SLC22A3: variants seen among roughly 807,000 people sequenced by gnomAD.
The protein encoded by SLC22A3 is EMT organic cation transporter 3.
In SLC22A3, 51 loss-of-function variants were observed where a neutral mutation model predicts 59.1. The observed-to-expected ratio is 0.86, with a 90% CI of 0.69 to 1.09. SLC22A3 has a LOEUF of 1.09. Among genes scored for constraint, SLC22A3 ranks in the 50% least tolerant of loss-of-function variants. SLC22A3 has a pLI of 0.00. For missense variants in SLC22A3, 711 were observed against 726.3 expected (o/e 0.98, Z 0.24); for synonymous variants, 325 against 292.0 (o/e 1.11, Z -1.15).
intron 10 of SLC22A3, among the ~76,000 whole-genome samples, chr6:160,449,576 G>T (rs540062178): frequency 6.6e-6 from 1 of 152,216 alleles, no homozygotes; most frequent in Admixed American, 6.5e-5. Flanking sequence ...AATCACACTG[G>T]ATTATTTTAT....
intron 1 of SLC22A3, among the ~76,000 whole-genome samples, chr6:160,371,531 C>A (rs1044518273): frequency 2.0e-5 from 3 of 152,162 alleles, no homozygotes; most frequent in Non-Finnish European, 4.4e-5. Context: ...TTTATGGCTG[C>A]ATAGTATTCC....
At chr6:160,416,401 A>G (rs187720272) in intron 5 of SLC22A3, among the ~76,000 whole-genome samples, 1 of 152,320 alleles carries the variant, frequency 6.6e-6, no homozygotes, top group Non-Finnish European at 1.5e-5. Flanking sequence ...GGATTAGCTT[A>G]GACACCTAGT....
At chr6:160,412,347 GA>G (rs775853834) in intron 5 of SLC22A3, among the ~76,000 whole-genome samples, 1 of 152,210 alleles carries the variant, frequency 6.6e-6, no homozygotes, top group East Asian at 1.9e-4. Context: ...TGAGCAAAAA[GA>G]GTGAAACTCT....
In SLC22A3 at chr6:160,451,017, C is replaced by T; in HGVS notation, c.1632C>T (p.Gly544=). The T allele has an allele frequency of 1.3e-6, 2 of 1,595,288 alleles. No individual in the cohort carries two copies. Among genetic ancestry groups the T allele is most frequent in the East Asian group, 4.5e-5 (2 of 44,138 alleles). ...TCAGTCCACATTCCTGTAAATGTGGCAGGAATAAGAAAACCCCAGTTTCCC... is the reference window on the plus strand; with the variant it reads ...TCAGTCCACATTCCTGTAAATGTGGTAGGAATAAGAAAACCCCAGTTTCCC... The part of the protein sequence containing the change: ...KLGSPHSCKC[G]RNKKTPVSRS... The change falls in exon 11 of 11, where the codon GGC becomes GGT. Residue 544 remains glycine (G), a synonymous_variant. Coordinates refer to ENST00000275300, the MANE Select transcript of SLC22A3 (RefSeq NM_021977.4).
At position 160,373,101 on chromosome 6, in the gene SLC22A3, T is replaced by G. The variant is rs189793433; in HGVS notation, c.429+24253T>G. On this transcript the variant is annotated intron_variant, in intron 1 of 10. Transcript: ENST00000275300. ...AAGCAGTGTCCTGGCTTTTGGAATTTTTAGCATTTTTGCCCTGGTTTTTCC... is the reference window on the plus strand; with the variant it reads ...AAGCAGTGTCCTGGCTTTTGGAATTGTTAGCATTTTTGCCCTGGTTTTTCC... Among the ~76,000 whole-genome samples the G allele has an allele frequency of 5.5e-4, 84 of 152,360 alleles. No individual in the cohort carries two copies. The East Asian group carries it at 0.012, about 22-fold the overall frequency.
intron 5 of SLC22A3, among the ~76,000 whole-genome samples, chr6:160,427,685 T>C (rs546465768): frequency 6.6e-4 from 101 of 152,330 alleles, no homozygotes; most frequent in Middle Eastern, 3.4e-3. Flanking sequence ...CAGGAGTGTG[T>C]AGTTTTGATT....
chr6:160,451,393 A>G lies in SLC22A3; in HGVS notation c.*337A>G, dbSNP rs1167138782. On this transcript the variant is annotated 3_prime_UTR_variant, in exon 11 of 11. Transcript: ENST00000275300. ...AAGAGAAGCCCCCAACCTGATTCTC[A>G]TGACAGCTCCATCAAGAATGTGGGA... 1 of 261,950 alleles carries G rather than the reference A, an allele frequency of 3.8e-6. No homozygotes were observed. The highest frequency in any genetic ancestry group is 7.4e-6 in the Non-Finnish European group (1 of 135,462). The allele number at this position is 261,950 out of a possible 1,614,324, so 16.2% of individuals were successfully genotyped here.
chr6:160,397,286 C>T (rs997844207), intron 1 of SLC22A3, among the ~76,000 whole-genome samples: 5 of 152,036 alleles, frequency 3.3e-5, no homozygotes, highest in East Asian at 3.9e-4. Context: ...AATCTAATGC[C>T]GCTGCTGAGC....
At chr6:160,389,164 A>G (rs1786145070) in intron 1 of SLC22A3, among the ~76,000 whole-genome samples, 1 of 152,192 alleles carries the variant, frequency 6.6e-6, no homozygotes, top group Non-Finnish European at 1.5e-5. Flanking sequence ...TATCTCGTAT[A>G]GAAGGCTGAT....
intron 10 of SLC22A3, 100 bp from the exon 11 acceptor site, chr6:160,450,896 T>C (rs1788933785): frequency 6.3e-6 from 7 of 1,114,966 alleles, no homozygotes; most frequent in Non-Finnish European, 5.3e-6. Flanking sequence ...TTCATGAATG[T>C]ATTTGATCAA....
At chr6:160,424,766 T>G (rs2114890781) in intron 5 of SLC22A3, among the ~76,000 whole-genome samples, 1 of 152,314 alleles carries the variant, frequency 6.6e-6, no homozygotes, top group Admixed American at 6.5e-5. Context: ...TTTTCTGGCT[T>G]ACATTTCAGA....
intron 1 of SLC22A3, among the ~76,000 whole-genome samples, chr6:160,368,327 GAA>G (rs1785278541): frequency 6.6e-6 from 1 of 152,108 alleles, no homozygotes; most frequent in Non-Finnish European, 1.5e-5. Context: ...GCCCCCTGTT[GAA>G]AGCTTATTTT....
intron 1 of SLC22A3, among the ~76,000 whole-genome samples, chr6:160,355,048 C>G (rs1364381136): frequency 1.3e-5 from 2 of 152,212 alleles, no homozygotes; most frequent in Admixed American, 1.3e-4. Flanking sequence ...GCGAGGCAGG[C>G]AGGAGCCCCA....
At chr6:160,446,911 C>T (rs931758945) in intron 9 of SLC22A3, among the ~76,000 whole-genome samples, 45 of 152,316 alleles carry the variant, frequency 3.0e-4, no homozygotes, top group African/African-American at 9.9e-4. Context: ...TTCCCAGTGG[C>T]CCAGGCAGGG....
intron 1 of SLC22A3, among the ~76,000 whole-genome samples, chr6:160,383,862 G>C (rs979669192): frequency 2.0e-5 from 3 of 152,114 alleles, no homozygotes; most frequent in African/African-American, 7.2e-5. Context: ...GTTGTATTAG[G>C]TATTGTAAAT....
intron 1 of SLC22A3, among the ~76,000 whole-genome samples, chr6:160,353,271 T>A (rs1456713646): frequency 2.0e-5 from 3 of 152,236 alleles, no homozygotes; most frequent in Admixed American, 2.0e-4. Flanking sequence ...AGGACCTTCA[T>A]TATGAGAATG....
rs1787422456 is a variant in SLC22A3 at position 160,415,056 on chromosome 6, G to A, written c.975+4210G>A. The stretch of plus-strand genomic sequence containing the variant: ...CACATGGAATCACCTATTTCTCCAA[G>A]GGAGCTTTGGTTTTTGAAACATATG... On this transcript the variant is annotated intron_variant, in intron 5 of 10. Transcript: ENST00000275300. This position sits in a 1 kb window ranked among gnomAD's most constrained non-coding sequence, Gnocchi z 4.1. Among the ~76,000 whole-genome samples the A allele has an allele frequency of 1.3e-5, 2 of 152,128 alleles. No homozygotes were observed. The highest frequency in any genetic ancestry group is 2.4e-5 in the African/African-American group (1 of 41,406).
chr6:160,362,920 TCCAGGGACCCACGGATACTTCGTTCCTG>T lies in SLC22A3; in HGVS notation c.429+14079_429+14106del, dbSNP rs374811093. On this transcript the variant is annotated intron_variant, in intron 1 of 10. Transcript: ENST00000275300. Reference sequence around the variant, plus strand: ...CAGGAGGGTGCACGAGAACGTCCCATCCAGGGACCCACGGATACTTCGTTCCTGCCAGGGTCTCCTTTGGGCCGACAGA... The same window carrying T: ...CAGGAGGGTGCACGAGAACGTCCCATCCAGGGTCTCCTTTGGGCCGACAGA... Among the ~76,000 whole-genome samples the T allele has an allele frequency of 9.0e-3, 1,378 of 152,296 alleles. 17 individuals are homozygous for T. The highest frequency in any genetic ancestry group is 0.03 in the African/African-American group (1,264 of 41,564).
In SLC22A3 at chr6:160,348,665, G is replaced by GC. The variant is rs775680960; in HGVS notation, c.252dup (p.Glu85ArgfsTer22). The GC allele has an allele frequency of 1.3e-6, 2 of 1,507,276 alleles. No homozygotes were observed. The highest frequency in any genetic ancestry group is 1.8e-6 in the Non-Finnish European group (2 of 1,135,976). The allele number at this position is 1,507,276 out of a possible 1,614,324, so 93.4% of individuals were successfully genotyped here. A position where few individuals can be genotyped will look rare whatever the true frequency, so the allele number is the denominator to read the frequency against. On this transcript the variant is annotated frameshift_variant, in exon 1 of 11. Transcript: ENST00000275300. LOFTEE classifies it high-confidence loss of function. ...CGGCGCCCGCCTCCCGCGGCCCAGAGCCCCCCGAGCGCCGCGGCCGCTGCC... is the reference window on the plus strand; with the variant it reads ...CGGCGCCCGCCTCCCGCGGCCCAGAGCCCCCCCGAGCGCCGCGGCCGCTGCC...
Sources: gnomAD v4.1 joint callset for allele counts (sites outside exome capture counted in the v4.1 genomes callset) on GRCh38, gnomAD v4.1.1 for gene constraint, Gnocchi (gnomAD v3.1) non-coding constraint, MANE v1.5 for transcripts, NCBI Gene and HGNC (gene_info 2026-07-23, HGNC 2026-07-21) for gene names.